The following GPC6 variants were observed in gnomAD, a reference collection of about 807,000 sequenced individuals.
GPC6 encodes glypican 6.
In GPC6, 14 loss-of-function variants were observed where a neutral mutation model predicts 55.2. The ratio of observed to expected loss-of-function variants is 0.25; its 90% CI spans 0.17 to 0.40. The LOEUF (loss-of-function observed/expected upper bound fraction) is 0.40, where lower values mean the gene tolerates loss of function less well. Among genes scored for constraint, GPC6 ranks in the 10% least tolerant of loss-of-function variants. The probability of loss-of-function intolerance (pLI) is 1.00; values close to 1 mark genes in which losing one functional copy is unlikely to be tolerated. For synonymous variants in GPC6, 278 were observed against 259.6 expected, an observed-to-expected ratio of 1.07 and a Z score of -0.68; for missense variants, 641 against 708.5, an observed-to-expected ratio of 0.90 and a Z score of 1.08.
intron 4 of GPC6, among the ~76,000 whole-genome samples, chr13:94,168,125 C>T (rs1888429298): frequency 1.3e-5 from 2 of 152,214 alleles, no homozygotes; most frequent in South Asian, 4.1e-4. Context: ...AGTGATTTGA[C>T]CAAGACAACT....
chr13:93,877,006 A>G (rs145627064), intron 3 of GPC6, among the ~76,000 whole-genome samples: 1 of 152,176 alleles, frequency 6.6e-6, no homozygotes, highest in African/African-American at 2.4e-5. Flanking sequence ...CTCTGTAGTT[A>G]AGGTGAAGGT....
chr13:93,825,860 CTTTTTTTTTTTT>C (rs1029574657), intron 2 of GPC6, among the ~76,000 whole-genome samples: 1 of 124,190 alleles, frequency 8.1e-6, no homozygotes, highest in African/African-American at 3.0e-5. Context: ...TTATTATTTT[CTTTTTTTTTTTT>C]TTTTTTTGAG....
chr13:94,330,096 G>A lies in GPC6; in HGVS notation c.1152+23973G>A, dbSNP rs571622062. Among the ~76,000 whole-genome samples, 6 of 152,310 alleles carry A rather than the reference G, an allele frequency of 3.9e-5. No individual in the cohort carries two copies. In the South Asian group the frequency reaches 1.2e-3, roughly 32 times the overall value. On this transcript the variant is annotated intron_variant, in intron 6 of 8. Transcript: ENST00000377047. The stretch of plus-strand genomic sequence containing the variant: ...CAACTGTGCTGCCTGCTTTCTCTGT[G>A]TTCCCTCGATCAGGACTGATAACTC...
chr13:94,036,614 T>G (rs552943934), intron 4 of GPC6, among the ~76,000 whole-genome samples: 1 of 152,126 alleles, frequency 6.6e-6, no homozygotes, highest in East Asian at 1.9e-4. Context: ...ATAATTCTAC[T>G]GGGTGAAATG....
chr13:93,453,832 G>A (rs562917424), intron 1 of GPC6, among the ~76,000 whole-genome samples: 138 of 152,160 alleles, frequency 9.1e-4, no homozygotes, highest in Non-Finnish European at 1.4e-3. Flanking sequence ...GTGAGCAGTA[G>A]CAAGATTTAT....
intron 6 of GPC6, among the ~76,000 whole-genome samples, chr13:94,320,198 T>C (rs1247176346): frequency 6.6e-6 from 1 of 152,232 alleles, no homozygotes; most frequent in Non-Finnish European, 1.5e-5. Flanking sequence ...TTAACGTCAA[T>C]GATTTTATTT....
At chr13:94,367,499 T>G (rs1338687764) in intron 6 of GPC6, among the ~76,000 whole-genome samples, 1 of 152,224 alleles carries the variant, frequency 6.6e-6, no homozygotes, top group African/African-American at 2.4e-5. Context: ...GTTGTTTTCT[T>G]AAAATCTGCT....
chr13:94,085,340 AAAAAGG>A (rs1346758316), intron 4 of GPC6, among the ~76,000 whole-genome samples: 2 of 149,808 alleles, frequency 1.3e-5, no homozygotes, highest in East Asian at 2.0e-4. Flanking sequence ...AAAAAAAAAA[AAAAAGG>A]GAAGAAAAAG....
At position 94,027,812 on chromosome 13, in the gene GPC6, C is replaced by T. The variant is rs201615649; in HGVS notation, c.795C>T (p.Pro265=). The T allele has an allele frequency of 6.2e-7, 1 of 1,614,006 alleles. No individual in the cohort carries two copies. Among genetic ancestry groups the T allele is most frequent in the African/African-American group, 1.3e-5 (1 of 75,016 alleles). The stretch of plus-strand genomic sequence containing the variant: ...GTCGGGGGCTTCCCACTGTGAGGCC[C>T]TGCAACAACTACTGTCTCAACGTCA... ...PYCRGLPTVR[P]CNNYCLNVMK... is the part of the protein sequence containing the mutation. The change falls in exon 4 of 9, where the codon CCC becomes CCT. Residue 265 remains proline, a synonymous_variant. Coordinates refer to ENST00000377047, the MANE Select transcript of GPC6 (RefSeq NM_005708.5).
intron 1 of GPC6, among the ~76,000 whole-genome samples, chr13:93,451,038 T>G (rs1878205768): frequency 6.6e-6 from 1 of 152,100 alleles, no homozygotes; most frequent in Non-Finnish European, 1.5e-5. Flanking sequence ...TGAAAGTTAT[T>G]TAAGGGCAAG....
At chr13:93,830,629 A>AC in intron 3 of GPC6, 84 bp downstream of exon 3, 2 of 1,233,816 alleles carry the variant, frequency 1.6e-6, no homozygotes, top group African/African-American at 1.5e-5. Flanking sequence ...AAAAAAAAAA[A>AC]AAAAAAAAAC....
At chr13:94,228,964 G>A (rs967031180) in intron 4 of GPC6, among the ~76,000 whole-genome samples, 3 of 152,176 alleles carry the variant, frequency 2.0e-5, no homozygotes, top group Non-Finnish European at 4.4e-5. Context: ...TTTCCCTGCT[G>A]TATTGTTGGA....
intron 3 of GPC6, among the ~76,000 whole-genome samples, chr13:93,837,296 T>C (rs2138992064): frequency 6.6e-6 from 1 of 152,328 alleles, no homozygotes; most frequent in Middle Eastern, 3.4e-3. Context: ...GAAGTTTTAT[T>C]CATATTGAAA....
chr13:94,050,009 T>C (rs976907496), intron 4 of GPC6, among the ~76,000 whole-genome samples: 5 of 152,112 alleles, frequency 3.3e-5, no homozygotes, highest in Non-Finnish European at 1.5e-5. Context: ...TCTGCTGCCA[T>C]GTAAGATGTG....
intron 2 of GPC6, among the ~76,000 whole-genome samples, chr13:93,725,725 AG>A (rs1394213743): frequency 6.6e-6 from 1 of 152,066 alleles, no homozygotes; most frequent in East Asian, 1.9e-4. Context: ...TTGTTAACAA[AG>A]CATCTATATC....
At chr13:94,062,973 G>A (rs1001721018) in intron 4 of GPC6, among the ~76,000 whole-genome samples, 9 of 152,162 alleles carry the variant, frequency 5.9e-5, no homozygotes, top group African/African-American at 2.2e-4. Context: ...AATGCATGGG[G>A]ATGTTTTTCT....
chr13:93,676,339 C>A (rs950304680), intron 2 of GPC6, among the ~76,000 whole-genome samples: 2 of 151,184 alleles, frequency 1.3e-5, no homozygotes, highest in Non-Finnish European at 2.9e-5. Context: ...ATCTCTTGAA[C>A]CCGGGTAGCA....
intron 2 of GPC6, among the ~76,000 whole-genome samples, chr13:93,709,418 CTT>C (rs1882975829): frequency 1.3e-5 from 2 of 150,696 alleles, no homozygotes; most frequent in Non-Finnish European, 3.0e-5. Context: ...TTTTTTTTTG[CTT>C]TTAAAGTAGA....
chr13:93,919,631 C>A (rs1223831172), intron 3 of GPC6, among the ~76,000 whole-genome samples: 2 of 152,122 alleles, frequency 1.3e-5, no homozygotes, highest in African/African-American at 4.8e-5. Context: ...GATTAATGAA[C>A]CTGGGAGTTT....
Sources: allele counts gnomAD v4.1 joint callset (sites outside exome capture counted in the v4.1 genomes callset), GRCh38; gene constraint gnomAD v4.1.1; transcripts MANE v1.5; gene names NCBI Gene and HGNC (gene_info 2026-07-23, HGNC 2026-07-21).